SLC35D4: variants seen among roughly 807,000 people sequenced by gnomAD.
SLC35D4 encodes UDP-N-acetylglucosamine transporter SLC35D4.
chr18:23,381,765 C>A, the SLC35D4 span, among the ~76,000 whole-genome samples: 3 of 152,262 alleles, frequency 2.0e-5, no homozygotes, highest in East Asian at 3.9e-4. Flanking sequence ...TGGAAGAGGT[C>A]CCCTGCTAGA....
At chr18:23,357,145 T>C in the SLC35D4 span, among the ~76,000 whole-genome samples, 1 of 152,170 alleles carries the variant, frequency 6.6e-6, no homozygotes, top group Non-Finnish European at 1.5e-5. Flanking sequence ...AAGACTCTTT[T>C]CTTCTTTTCT....
chr18:23,423,697 T>C, the SLC35D4 span, among the ~76,000 whole-genome samples: 2 of 152,182 alleles, frequency 1.3e-5, no homozygotes, highest in Non-Finnish European at 2.9e-5. Context: ...TGAGGGCAAC[T>C]AACCTAGTCT....
At chr18:23,292,900 C>G in the SLC35D4 span, among the ~76,000 whole-genome samples, 37 of 152,274 alleles carry the variant, frequency 2.4e-4, no homozygotes, top group East Asian at 6.7e-3. Context: ...ACCAACACCC[C>G]CTTCTTTTGC....
the SLC35D4 span, among the ~76,000 whole-genome samples, chr18:23,287,608 T>G: frequency 2.0e-5 from 3 of 152,174 alleles, no homozygotes; most frequent in South Asian, 6.2e-4. Context: ...ACTTTCGCCT[T>G]TGGATACCTG....
At chr18:23,364,333 A>G in the SLC35D4 span, among the ~76,000 whole-genome samples, 4 of 152,218 alleles carry the variant, frequency 2.6e-5, no homozygotes, top group Non-Finnish European at 5.9e-5. Context: ...AAAAAACAAA[A>G]ACAAAAATCT....
the SLC35D4 span, among the ~76,000 whole-genome samples, chr18:23,326,062 C>T: frequency 6.6e-6 from 1 of 152,252 alleles, no homozygotes; most frequent in South Asian, 2.1e-4. Context: ...GATTGTGCAG[C>T]CATCTCCAAA....
chr18:23,277,476 T>C, the SLC35D4 span, among the ~76,000 whole-genome samples: 1 of 152,204 alleles, frequency 6.6e-6, no homozygotes, highest in Admixed American at 6.5e-5. Context: ...GGGTATGTCT[T>C]TATCAGCAGC....
chr18:23,416,774 G>A, the SLC35D4 span, among the ~76,000 whole-genome samples: 1,057 of 152,338 alleles, frequency 6.9e-3, 4 homozygotes, highest in Non-Finnish European at 0.011. Context: ...GAGCTGAAAA[G>A]AAGATGTGAT....
At chr18:23,352,180 C>G in the SLC35D4 span, 1 of 1,586,346 alleles carries the variant, frequency 6.3e-7, no homozygotes. Flanking sequence ...AATTTCCCAC[C>G]CCTCTTGTCT....
chr18:23,326,269 A>C, the SLC35D4 span, among the ~76,000 whole-genome samples: 4 of 152,222 alleles, frequency 2.6e-5, no homozygotes, highest in Admixed American at 1.3e-4. Flanking sequence ...AATTGGATAA[A>C]GAGTCAAGAC....
the SLC35D4 span, chr18:23,437,749 G>A: frequency 1.2e-6 from 2 of 1,600,524 alleles, no homozygotes; most frequent in East Asian, 2.3e-5. Context: ...CCTCCCACGT[G>A]CAATCGCTGC....
At chr18:23,362,536 T>G in the SLC35D4 span, among the ~76,000 whole-genome samples, 107 of 152,062 alleles carry the variant, frequency 7.0e-4, no homozygotes, top group Non-Finnish European at 1.2e-3. Context: ...GAGGCGGAGG[T>G]TGCAGTGAGC....
chr18:23,397,603 T>C, the SLC35D4 span, among the ~76,000 whole-genome samples: 2 of 152,208 alleles, frequency 1.3e-5, no homozygotes, highest in Admixed American at 6.5e-5. Context: ...AACTGGTAAA[T>C]CTTCCTTTTG....
chr18:23,276,867 C>G, the SLC35D4 span, among the ~76,000 whole-genome samples: 1 of 152,178 alleles, frequency 6.6e-6, no homozygotes, highest in Non-Finnish European at 1.5e-5. Flanking sequence ...AGGAGCCACA[C>G]GACATGCACT....
chr18:23,362,193 C>T, the SLC35D4 span, among the ~76,000 whole-genome samples: 1 of 152,336 alleles, frequency 6.6e-6, no homozygotes, highest in African/African-American at 2.4e-5. Context: ...TACCAGCAGT[C>T]ACCATGTTCA....
chr18:23,377,083 C>T, the SLC35D4 span: 6 of 420,514 alleles, frequency 1.4e-5, no homozygotes, highest in South Asian at 8.5e-5. Flanking sequence ...GCAGAGGAAG[C>T]GGGAAGCAGT....
chr18:23,375,974 T>A, the SLC35D4 span, among the ~76,000 whole-genome samples: 1 of 152,206 alleles, frequency 6.6e-6, no homozygotes, highest in Non-Finnish European at 1.5e-5. Context: ...CCAGAAAGCA[T>A]AAAACCCAAA....
chr18:23,381,011 C>T, the SLC35D4 span, among the ~76,000 whole-genome samples: 1 of 152,170 alleles, frequency 6.6e-6, no homozygotes, highest in Admixed American at 6.5e-5. Flanking sequence ...TGTGAGGTGG[C>T]GTGCAAGTGT....
the SLC35D4 span, among the ~76,000 whole-genome samples, chr18:23,373,068 C>T: frequency 1.3e-5 from 2 of 152,120 alleles, no homozygotes; most frequent in African/African-American, 4.8e-5. Flanking sequence ...AATACCAGCA[C>T]CTTGGGAGGC....
Sources: allele counts gnomAD v4.1 joint callset (sites outside exome capture counted in the v4.1 genomes callset), GRCh38; gene constraint gnomAD v4.1.1; transcripts MANE v1.5; gene names NCBI Gene and HGNC (gene_info 2026-07-23, HGNC 2026-07-21).